Variants in COL19A1 observed in about 807,000 individuals in gnomAD.
COL19A1 encodes collagen alpha-1(XIX) chain.
Under a neutral mutation model 190.2 loss-of-function variants are expected in COL19A1, and 159 were observed. That is an observed-to-expected ratio of 0.84 (90% CI 0.73 to 0.95). COL19A1 has a LOEUF of 0.95. COL19A1 is among the 40% of genes least tolerant of loss of function. COL19A1 has a pLI of 0.00. For missense variants in COL19A1, 1,418 were observed against 1,431.9 expected (o/e 0.99, Z 0.16); for synonymous variants, 509 against 458.9 (o/e 1.11, Z -1.39).
chr6:69,954,837 C>T (rs988966875), intron 9 of COL19A1, among the ~76,000 whole-genome samples: 3 of 152,004 alleles, frequency 2.0e-5, no homozygotes, highest in Non-Finnish European at 4.4e-5. Flanking sequence ...GGCTTCAGTA[C>T]ATTTAAGGTC....
At chr6:69,939,718 G>C (rs1773334852) in intron 9 of COL19A1, among the ~76,000 whole-genome samples, 1 of 151,960 alleles carries the variant, frequency 6.6e-6, no homozygotes, top group African/African-American at 2.4e-5. Flanking sequence ...ATGTGCCCAA[G>C]GTAACACAAT....
At chr6:69,999,376 T>A (rs192885400) in intron 11 of COL19A1, among the ~76,000 whole-genome samples, 110 of 152,058 alleles carry the variant, frequency 7.2e-4, no homozygotes, top group African/African-American at 2.5e-3. Context: ...ACAAAAAAAT[T>A]TTTTTTAAAT....
intron 4 of COL19A1, among the ~76,000 whole-genome samples, chr6:69,922,777 G>A (rs753581291): frequency 1.3e-5 from 2 of 151,946 alleles, no homozygotes; most frequent in South Asian, 2.1e-4. Flanking sequence ...CACCACACCC[G>A]ACCTCTATTT....
rs556571742 is a variant in COL19A1, at chr6:69,876,771, C to T, written c.-32-2765C>T. On this transcript the variant is annotated intron_variant, in intron 1 of 50. Coordinates refer to ENST00000620364, the MANE Select transcript of COL19A1 (RefSeq NM_001858.6). Reference sequence around the variant, plus strand: ...TAAGATCAATATTTATGAGTTCCTTCCTTTGAAATAAAATTAATTTCTTTA... The same window carrying T: ...TAAGATCAATATTTATGAGTTCCTTTCTTTGAAATAAAATTAATTTCTTTA... Among the ~76,000 whole-genome samples, 6 of 152,194 alleles carry T rather than the reference C, an allele frequency of 3.9e-5. No homozygotes were observed. The South Asian group carries it at 1.0e-3, about 26-fold the overall frequency.
chr6:70,173,998 A>G (rs2150276902), intron 41 of COL19A1, among the ~76,000 whole-genome samples: 1 of 152,240 alleles, frequency 6.6e-6, no homozygotes, highest in Admixed American at 6.5e-5. Context: ...TTCAGAGAGG[A>G]TAGTTTATCT....
intron 1 of COL19A1, among the ~76,000 whole-genome samples, chr6:69,876,308 T>C (rs1768125196): frequency 6.6e-6 from 1 of 152,210 alleles, no homozygotes; most frequent in Non-Finnish European, 1.5e-5. Context: ...TTCATATGCT[T>C]ATAGCTTTGT....
intron 11 of COL19A1, among the ~76,000 whole-genome samples, chr6:69,963,092 A>G (rs1245530515): frequency 6.6e-6 from 1 of 152,210 alleles, no homozygotes; most frequent in Non-Finnish European, 1.5e-5. Context: ...AGATATTTCT[A>G]GTTAAATTTG....
chr6:69,929,206 G>A (rs1447830899), intron 5 of COL19A1, among the ~76,000 whole-genome samples: 1 of 151,128 alleles, frequency 6.6e-6, no homozygotes. Context: ...TTAGGAAGGA[G>A]CATATTACAT....
chr6:69,952,163 T>G (rs1361509696), intron 9 of COL19A1, among the ~76,000 whole-genome samples: 2 of 151,912 alleles, frequency 1.3e-5, no homozygotes, highest in African/African-American at 2.4e-5. Context: ...TAAGAATCAT[T>G]ATGCATATGG....
intron 2 of COL19A1, among the ~76,000 whole-genome samples, chr6:69,880,512 A>G (rs1234031765): frequency 2.0e-5 from 3 of 152,178 alleles, no homozygotes; most frequent in African/African-American, 4.8e-5. Flanking sequence ...TATTTTTTCA[A>G]TAATTTTTGC....
chr6:70,077,030 A>G (rs1426827289), intron 15 of COL19A1, among the ~76,000 whole-genome samples: 1 of 134,762 alleles, frequency 7.4e-6, no homozygotes, highest in Non-Finnish European at 1.8e-5. Flanking sequence ...TTTGGAAAAT[A>G]TAAACAGATA....
At chr6:70,098,867 C>A (rs1263123169) in intron 15 of COL19A1, among the ~76,000 whole-genome samples, 4 of 151,692 alleles carry the variant, frequency 2.6e-5, no homozygotes, top group Admixed American at 2.6e-4. Context: ...CCTAGGGGTC[C>A]TTGGAGAGAA....
chr6:70,200,389 T>C (rs1363688832), intron 49 of COL19A1, among the ~76,000 whole-genome samples: 1 of 152,172 alleles, frequency 6.6e-6, no homozygotes, highest in African/African-American at 2.4e-5. Context: ...GGCCATTTGC[T>C]AGAAATATGA....
At chr6:70,062,483 C>A (rs1016712817) in intron 14 of COL19A1, among the ~76,000 whole-genome samples, 5 of 152,040 alleles carry the variant, frequency 3.3e-5, no homozygotes, top group Non-Finnish European at 5.9e-5. Context: ...GAAGGAAGCA[C>A]TAAACATGGA....
In COL19A1 at chr6:70,207,363, G is replaced by GTTT; in HGVS notation, c.*89_*90insTTT. 2.4e-6 allele frequency: 1 copy of GTTT among 409,328 alleles called. No homozygotes were observed. Among genetic ancestry groups the GTTT allele is most frequent in the South Asian group, 8.1e-5 (1 of 12,296 alleles). The allele number at this position is 409,328 out of a possible 1,614,324, so 25.4% of individuals were successfully genotyped here. Reference sequence around the variant, plus strand: ...GTCAAACCCTCATCATCTGTGGGTTGCTTTTTTTTTTTTTTTTTTTTTTTG... The same window carrying GTTT: ...GTCAAACCCTCATCATCTGTGGGTTGTTTCTTTTTTTTTTTTTTTTTTTTTTTG... On this transcript the variant is annotated 3_prime_UTR_variant, in exon 51 of 51. Transcript: ENST00000620364.
At chr6:70,174,384 G>A (rs1176471052) in intron 41 of COL19A1, among the ~76,000 whole-genome samples, 3 of 152,206 alleles carry the variant, frequency 2.0e-5, no homozygotes, top group South Asian at 4.1e-4. Context: ...CCTGGCCAAC[G>A]TGGTGACACC....
Position 70,143,757 on chromosome 6 carries a change from C to T in COL19A1, c.1627-453C>T, listed in dbSNP as rs536885271. ...CAGATCTTATGAAAAGAGAGATAAT[C>T]CTGGTGGCACAAGTGGAGCCACAAT... On this transcript the variant is annotated intron_variant, in intron 23 of 50. Coordinates refer to ENST00000620364, the MANE Select transcript of COL19A1 (RefSeq NM_001858.6). Among the ~76,000 whole-genome samples, 42 of 152,012 alleles carry T rather than the reference C, an allele frequency of 2.8e-4. 1 individual carries two copies. In the South Asian group the frequency reaches 8.3e-3, roughly 30 times the overall value.
chr6:70,102,190 C>A lies in COL19A1; in HGVS notation c.1246C>A (p.Pro416Thr). Residue 416 changes from proline to threonine, a missense_variant, in exon 16 of 51, where the codon CCT becomes ACT. Physicochemically the swap from Pro to Thr is conservative, Grantham distance 38 (BLOSUM62 -1). Coordinates refer to ENST00000620364, the MANE Select transcript of COL19A1 (RefSeq NM_001858.6). ...GQRGRRGKTG[P>T]PGKPGPPGPP... Reference sequence around the variant, plus strand: ...CAAGGGAAGACGAGGGAAAACAGGACCTCCCGGAAAACCAGGACCCCCAGG... The same window carrying A: ...CAAGGGAAGACGAGGGAAAACAGGAACTCCCGGAAAACCAGGACCCCCAGG... 1.9e-6 allele frequency: 3 copies of A among 1,612,756 alleles called. No homozygotes were observed. In the East Asian group the frequency reaches 6.7e-5, roughly 36 times the overall value.
intron 11 of COL19A1, among the ~76,000 whole-genome samples, chr6:69,997,137 C>T (rs565525521): frequency 5.3e-5 from 8 of 151,678 alleles, no homozygotes; most frequent in Non-Finnish European, 1.0e-4. Flanking sequence ...ATCAAATAAG[C>T]CCAGCAAAAA....
Sources: allele counts gnomAD v4.1 joint callset (sites outside exome capture counted in the v4.1 genomes callset), GRCh38; gene constraint gnomAD v4.1.1; transcripts MANE v1.5; gene names NCBI Gene and HGNC (gene_info 2026-07-23, HGNC 2026-07-21).